Variants in POLR1A observed in about 807,000 individuals in gnomAD.
POLR1A encodes RNA polymerase I subunit A, also known as DNA-directed RNA polymerase I subunit RPA1.
Under a neutral mutation model 205.3 loss-of-function variants are expected in POLR1A, and 84 were observed. The observed-to-expected ratio is 0.41, with a 90% confidence interval of 0.34 to 0.49. The LOEUF is 0.49. POLR1A is among the 20% of genes least tolerant of loss of function. POLR1A has a pLI of 0.22. For missense variants in POLR1A, 1,645 were observed against 2,204.5 expected, an observed-to-expected ratio of 0.75 and a Z score of 5.08; for synonymous variants, 799 against 863.7, an observed-to-expected ratio of 0.93 and a Z score of 1.31.
At chr2:86,029,104 G>T (rs779928797) in intron 31 of POLR1A, among the ~76,000 whole-genome samples, 37 of 152,246 alleles carry the variant, frequency 2.4e-4, no homozygotes, top group Non-Finnish European at 5.0e-4. Context: ...TGCATGGAGT[G>T]GGGGCCAGTC....
At chr2:86,081,813 A>C (rs1301379748) in intron 7 of POLR1A, 107 bp from the exon 8 acceptor site, 1 of 678,072 alleles carries the variant, frequency 1.5e-6, no homozygotes, top group Admixed American at 2.7e-5. Context: ...AGAATACAAG[A>C]TAATATGTAG....
In POLR1A at chr2:86,031,379, G is replaced by A. The variant is rs778089945; in HGVS notation, c.4529C>T (p.Pro1510Leu). ...RRVQAVREIH[P>L]FIDDYQYDTE... Reference sequence around the variant, plus strand: ...GTCGTACTGGTAGTCATCTATGAACGGGTGGATCTCACGCACAGCCTGGAC... The same window carrying A: ...GTCGTACTGGTAGTCATCTATGAACAGGTGGATCTCACGCACAGCCTGGAC... The change falls in exon 30 of 34, where the codon CCG becomes CTG. Residue 1510 changes from proline (P) to leucine (L), a missense_variant. Around this residue, in one of 16 missense-constraint regions of POLR1A, gnomAD observed 394 missense variants for 468.5 expected, o/e 0.84. Coordinates refer to ENST00000263857, the MANE Select transcript of POLR1A (RefSeq NM_015425.6). The A allele has an allele frequency of 1.0e-4, 167 of 1,603,560 alleles. No individual in the cohort carries two copies. The highest frequency in any genetic ancestry group is 6.6e-4 in the Middle Eastern group (4 of 6,030).
chr2:86,053,823 T>C (rs2104399784), intron 15 of POLR1A, among the ~76,000 whole-genome samples: 1 of 152,308 alleles, frequency 6.6e-6, no homozygotes, highest in African/African-American at 2.4e-5. Context: ...TATACCAGTT[T>C]GATTATCTGA....
chr2:86,088,147 G>A (rs1220038163), intron 6 of POLR1A, among the ~76,000 whole-genome samples: 2 of 152,172 alleles, frequency 1.3e-5, no homozygotes, highest in African/African-American at 4.8e-5. Flanking sequence ...GGAGTAGCCT[G>A]CAGGAGGCGC....
At chr2:86,033,888 A>G in intron 27 of POLR1A, 101 bp from the exon 28 acceptor site, 1 of 1,416,952 alleles carries the variant, frequency 7.1e-7, no homozygotes, top group Non-Finnish European at 9.6e-7. Context: ...ACAGGGGATC[A>G]GTGCACGAGA....
rs114607039 is a variant in POLR1A, at chr2:86,031,782, G to T, written c.4273-147C>A. On this transcript the variant is annotated intron_variant, in intron 29 of 33. Transcript: ENST00000263857. The stretch of plus-strand genomic sequence containing the variant: ...TCCACACTCCCGGCTCCTCTGCTCC[G>T]GCCTGGTTGGTCTTTCTTCTTCCTT... 7.6e-3 allele frequency: 8,271 copies of T among 1,083,054 alleles called. 70 individuals carry two copies. The highest frequency in any genetic ancestry group is 9.7e-3 in the Non-Finnish European group (7,280 of 752,870). The allele number at this position is 1,083,054 out of a possible 1,614,324, so 67.1% of individuals were successfully genotyped here. A position where few individuals can be genotyped will look rare whatever the true frequency, so the allele number is the denominator to read the frequency against.
chr2:86,022,680 C>T lies in POLR1A; in HGVS notation c.*4743G>A, dbSNP rs1690170273. On this transcript the variant is annotated 3_prime_UTR_variant, in exon 34 of 34. Transcript: ENST00000263857. ...CACAGCTCATTGCAGCCTTGAACTC[C>T]TGGGCTCACTTGCTCCTCTCACCTC... 6.6e-6 allele frequency: 1 copy of T among 152,178 alleles called. No individual in the cohort carries two copies. The highest frequency in any genetic ancestry group is 2.4e-5 in the African/African-American group (1 of 41,426). The allele number at this position is 152,178 out of a possible 1,614,324, so 9.4% of individuals were successfully genotyped here.
chr2:86,083,576 T>C (rs536276716), intron 6 of POLR1A, among the ~76,000 whole-genome samples: 1 of 152,352 alleles, frequency 6.6e-6, no homozygotes, highest in South Asian at 2.1e-4. Context: ...CATGTTGCTA[T>C]GTAGCTTTTG....
Position 86,030,321 on chromosome 2 carries a change from C to T in POLR1A, c.4654G>A (p.Val1552Ile), listed in dbSNP as rs370258399. The T allele has an allele frequency of 6.7e-5, 108 of 1,613,736 alleles. 1 individual carries two copies. Among genetic ancestry groups the T allele is most frequent in the African/African-American group, 3.6e-4 (27 of 74,920 alleles). The change falls in exon 31 of 34, where the codon GTC (valine) becomes ATC (isoleucine). Residue 1552 changes from valine (V) to isoleucine (I), a missense_variant. Val to Ile is a conservative substitution (Grantham distance 29). Transcript: ENST00000263857. The stretch of plus-strand genomic sequence containing the variant: ...GTGATGCCCTTGGTCGCATAGATGA[C>T]GGCACCATGGGCCAAAGATACTACC... ...SLVVSLAHGA[V>I]IYATKGITRC... is the part of the protein sequence containing the mutation.
chr2:86,052,868 G>A lies in POLR1A; in HGVS notation c.2341C>T (p.Leu781=). The A allele has an allele frequency of 6.2e-7, 1 of 1,600,406 alleles. No individual in the cohort carries two copies. Among genetic ancestry groups the A allele is most frequent in the African/African-American group, 1.3e-5 (1 of 74,210 alleles). The change falls in exon 16 of 34, where the codon CTG becomes TTG. Residue 781 remains leucine (L), a synonymous_variant. Coordinates refer to ENST00000263857, the MANE Select transcript of POLR1A (RefSeq NM_015425.6). The part of the protein sequence containing the change: ...GETSGKVLTC[L]ARLFTAYLQL... ...AGGTAGGCGGTGAAGAGGCGGGCCA[G>A]GCAGGTTAGAACCTTGCCGCTGGTC...
At chr2:86,072,674 TG>T in intron 12 of POLR1A, among the ~76,000 whole-genome samples, 1 of 152,358 alleles carries the variant, frequency 6.6e-6, no homozygotes, top group Non-Finnish European at 1.5e-5. Flanking sequence ...GGCCTGCTTC[TG>T]GCAGGCTGCT....
At chr2:86,058,881 C>T (rs1464088128) in intron 14 of POLR1A, among the ~76,000 whole-genome samples, 1 of 152,044 alleles carries the variant, frequency 6.6e-6, no homozygotes, top group Admixed American at 6.5e-5. Flanking sequence ...CTTTGGGAGG[C>T]TGAAGCTGGA....
At chr2:86,063,579 A>ATC (rs1197417162) in intron 14 of POLR1A, among the ~76,000 whole-genome samples, 1 of 152,192 alleles carries the variant, frequency 6.6e-6, no homozygotes, top group African/African-American at 2.4e-5. Context: ...CTACAGACCA[A>ATC]TATCTATCAC....
rs371260580 is a variant in POLR1A, at chr2:86,028,789, G to A, written c.4780-78C>T. ...TCTGCCTGCGTATCTCCCCCTGGCC[G>A]CTCTCTCTCTCCTTGTGTCTGGCAG... On this transcript the variant is annotated intron_variant, in intron 31 of 33. Transcript: ENST00000263857. The surrounding 1 kb of genome is among the most constrained non-coding windows in gnomAD (Gnocchi z 4.5). 393 of 1,016,120 alleles carry A rather than the reference G, an allele frequency of 3.9e-4. No individual in the cohort carries two copies. Among genetic ancestry groups the A allele is most frequent in the African/African-American group, 3.8e-3 (239 of 63,236 alleles). The allele number at this position is 1,016,120 out of a possible 1,614,324, so 62.9% of individuals were successfully genotyped here.
chr2:86,098,633 T>C lies in POLR1A; in HGVS notation c.410A>G (p.Glu137Gly). The part of the protein sequence containing the change: ...LEVGALQAVY[E>G]LERILNRFLE... The stretch of plus-strand genomic sequence containing the variant: ...TACCCTGTTCAGAATTCTCTCAAGC[T>C]CGTAGACTGCTTGTAGGGCCCCGAC... The change falls in exon 3 of 34, where the codon GAG (glutamate) becomes GGG (glycine). Residue 137 changes from glutamate to glycine, a missense_variant. Glu to Gly is a moderately conservative substitution (Grantham distance 98, BLOSUM62 -2). Around this residue, in one of 16 missense-constraint regions of POLR1A, gnomAD observed 330 missense variants for 375.6 expected, o/e 0.88. Transcript: ENST00000263857. 1 of 1,613,686 alleles carries C rather than the reference T, an allele frequency of 6.2e-7. No homozygotes were observed. Among genetic ancestry groups the C allele is most frequent in the Non-Finnish European group, 8.5e-7 (1 of 1,179,908 alleles).
rs1022517153 is a variant in POLR1A at position 86,024,096 on chromosome 2, A to T, written c.*3327T>A. On this transcript the variant is annotated 3_prime_UTR_variant, in exon 34 of 34. Transcript: ENST00000263857. ...CACAGCGTTATTTGCAACAGCCAAG[A>T]GGTGGAGGCAACCCAAGTGTCCACC... is the stretch of plus-strand genomic sequence containing the variant. 1 of 153,820 alleles carries T rather than the reference A, an allele frequency of 6.5e-6. No individual in the cohort carries two copies. The highest frequency in any genetic ancestry group is 1.5e-5 in the Non-Finnish European group (1 of 68,962). The allele number at this position is 153,820 out of a possible 1,614,324, so 9.5% of individuals were successfully genotyped here. A position where few individuals can be genotyped will look rare whatever the true frequency, so the allele number is the denominator to read the frequency against.
intron 22 of POLR1A, 60 bp downstream of exon 22, chr2:86,044,079 C>G (rs1672666798): frequency 6.4e-7 from 1 of 1,564,318 alleles, no homozygotes; most frequent in South Asian, 1.1e-5. Context: ...TTCCAGTTCT[C>G]TAACCTCGGT....
At chr2:86,074,580 T>C (rs1455019039) in intron 12 of POLR1A, among the ~76,000 whole-genome samples, 1 of 152,232 alleles carries the variant, frequency 6.6e-6, no homozygotes, top group African/African-American at 2.4e-5. Flanking sequence ...CACTATGGGC[T>C]AGCATTAGCA....
At chr2:86,081,109 A>C in intron 8 of POLR1A, 131 bp from the exon 9 acceptor site, 2 of 805,908 alleles carry the variant, frequency 2.5e-6, no homozygotes, top group Non-Finnish European at 3.9e-6. Flanking sequence ...CCTAACCAAC[A>C]TTCCGGCTGG....
Sources: gnomAD v4.1 joint callset for allele counts (sites outside exome capture counted in the v4.1 genomes callset) on GRCh38, gnomAD v4.1.1 for gene constraint, gnomAD v4.1.1 regional missense constraint, Gnocchi (gnomAD v3.1) non-coding constraint, MANE v1.5 for transcripts, NCBI Gene and HGNC (gene_info 2026-07-23, HGNC 2026-07-21) for gene names.